Variants in BAZ1A observed in about 807,000 individuals in gnomAD.
The protein encoded by BAZ1A is bromodomain adjacent to zinc finger domain 1A.
In BAZ1A, 50 loss-of-function variants were observed where a neutral mutation model predicts 185.2. The observed-to-expected ratio is 0.27, with a 90% CI of 0.22 to 0.34. BAZ1A has a LOEUF of 0.34. BAZ1A is among the 10% of genes least tolerant of loss of function. The pLI is 1.00. For synonymous variants in BAZ1A, 571 were observed against 615.6 expected (o/e 0.93, Z 1.07); for missense variants, 1,356 against 1,839.9 (o/e 0.74, Z 4.81).
At chr14:34,868,916 G>GTA (rs71293236) in intron 2 of BAZ1A, among the ~76,000 whole-genome samples, 32,432 of 150,554 alleles carry the variant, frequency 0.22, 3,656 homozygotes, top group Middle Eastern at 0.3. Context: ...GTGTGTGTGT[G>GTA]TGTGTGTGTG....
At chr14:34,759,280 A>G (rs772902688) in intron 24 of BAZ1A, among the ~76,000 whole-genome samples, 2 of 142,000 alleles carry the variant, frequency 1.4e-5, no homozygotes, top group Non-Finnish European at 3.0e-5. Flanking sequence ...TCCTGGGTTC[A>G]TGCCATTCTC....
At chr14:34,771,837 T>C (rs1309208026) in intron 20 of BAZ1A, among the ~76,000 whole-genome samples, 178 bp from the exon 21 acceptor site, 3 of 152,040 alleles carry the variant, frequency 2.0e-5, no homozygotes, top group Non-Finnish European at 2.9e-5. Context: ...TAAGGGTAAA[T>C]ATTTGAAGGA....
At chr14:34,793,254 T>A (rs1343863665) in intron 11 of BAZ1A, among the ~76,000 whole-genome samples, 2 of 152,194 alleles carry the variant, frequency 1.3e-5, no homozygotes, top group Non-Finnish European at 2.9e-5. Context: ...AATGCAAATA[T>A]TTGTTATTGT....
At chr14:34,801,301 T>A in intron 7 of BAZ1A, 108 bp from the exon 8 acceptor site, 1 of 803,832 alleles carries the variant, frequency 1.2e-6, no homozygotes, top group East Asian at 2.9e-5. Flanking sequence ...ATGATTTTTT[T>A]ATTTTTTTGA....
chr14:34,874,775 C>T lies in BAZ1A; in HGVS notation c.-58-113G>A, dbSNP rs2043016099. The T allele has an allele frequency of 3.8e-6, 2 of 529,496 alleles. No homozygotes were observed. Among genetic ancestry groups the T allele is most frequent in the South Asian group, 5.0e-5 (2 of 40,394 alleles). 32.8% of individuals were successfully genotyped at this position (529,496 alleles called of 1,614,324 possible). ...GCTGCCTTTTGTGTGACTGACGCGCCGCGGCCGCTACCGGAGCCGAGTTCG... is the reference window on the plus strand; with the variant it reads ...GCTGCCTTTTGTGTGACTGACGCGCTGCGGCCGCTACCGGAGCCGAGTTCG... On this transcript the variant is annotated intron_variant, in intron 1 of 26. Coordinates refer to ENST00000360310, the MANE Select transcript of BAZ1A (RefSeq NM_013448.3). The surrounding 1 kb of genome is among the most constrained non-coding windows in gnomAD (Gnocchi z 4.7).
Position 34,795,013 on chromosome 14 carries a change from T to A in BAZ1A, c.1225-126A>T, listed in dbSNP as rs367607062. 73 of 1,278,714 alleles carry A rather than the reference T, an allele frequency of 5.7e-5. No homozygotes were observed. The African/African-American group carries it at 8.3e-4, about 15-fold the overall frequency. The allele number at this position is 1,278,714 out of a possible 1,614,324, so 79.2% of individuals were successfully genotyped here. On this transcript the variant is annotated intron_variant, in intron 10 of 26. Coordinates refer to ENST00000360310, the MANE Select transcript of BAZ1A (RefSeq NM_013448.3). ...TTGTAAGCTACTGGTTCTCAACCCT[T>A]GCTGTTTATCACAATCACCTTTGAA...
chr14:34,844,589 C>T (rs1847691346), intron 3 of BAZ1A, among the ~76,000 whole-genome samples: 1 of 150,604 alleles, frequency 6.6e-6, no homozygotes, highest in Non-Finnish European at 1.5e-5. Context: ...CCAGCCTGGG[C>T]AACGCAGGGA....
chr14:34,875,052 C>T, intron 1 of BAZ1A, 86 bp downstream of exon 1: 1 of 264,148 alleles, frequency 3.8e-6, no homozygotes, highest in Non-Finnish European at 7.5e-6. Context: ...GCGCTCGCCG[C>T]GGGCGGACCC....
Position 34,803,007 on chromosome 14 carries a change from T to C in BAZ1A, c.727-19A>G, listed in dbSNP as rs1881650216. Reference sequence around the variant, plus strand: ...ATGATGCCTTAATAAAACAAAGACATAGGGTACAATAATAACACATTAGTA... The same window carrying C: ...ATGATGCCTTAATAAAACAAAGACACAGGGTACAATAATAACACATTAGTA... On this transcript the variant is annotated intron_variant, in intron 6 of 26. Coordinates refer to ENST00000360310, the MANE Select transcript of BAZ1A (RefSeq NM_013448.3). The C allele has an allele frequency of 1.3e-6, 2 of 1,593,682 alleles. No individual in the cohort carries two copies. The highest frequency in any genetic ancestry group is 4.5e-5 in the East Asian group (2 of 44,746).
In BAZ1A at chr14:34,865,437, T is replaced by G. The variant is rs113224523; in HGVS notation, c.114-3115A>C. On this transcript the variant is annotated intron_variant, in intron 2 of 26. Coordinates refer to ENST00000360310, the MANE Select transcript of BAZ1A (RefSeq NM_013448.3). ...CTGAAATCTTTACTTCTCCCGTCAT[T>G]CTAAAAGTACTTAAACTGTTATATG... 7.2e-3 allele frequency among the ~76,000 whole-genome samples: 1,097 copies of G among 152,298 alleles called. 14 individuals carry two copies. Among genetic ancestry groups the G allele is most frequent in the African/African-American group, 0.025 (1,029 of 41,574 alleles).
intron 7 of BAZ1A, among the ~76,000 whole-genome samples, chr14:34,801,458 A>T (rs902847799): frequency 6.6e-6 from 1 of 150,864 alleles, no homozygotes; most frequent in Non-Finnish European, 1.5e-5. Context: ...CACCTGGCTA[A>T]TTTTTTTTTG....
Position 34,783,192 on chromosome 14 carries a change from G to C in BAZ1A, c.2038C>G (p.Gln680Glu), listed in dbSNP as rs1880160967. 1 of 1,599,032 alleles carries C rather than the reference G, an allele frequency of 6.3e-7. No individual in the cohort carries two copies. The highest frequency in any genetic ancestry group is 8.5e-7 in the Non-Finnish European group (1 of 1,171,720). ...TTTTCTTGTTTCTCTTTCATTTTTT[G>C]TTCTTGCTCCTTAAGTTTTTCTTCC... ...RKEEKLKEQE[Q>E]KMKEKQEKLK... The change falls in exon 16 of 27, where the codon CAA becomes GAA. Residue 680 changes from glutamine (Q) to glutamate (E), a missense_variant. Physicochemically the swap from Gln to Glu is conservative, Grantham distance 29 (BLOSUM62 2). Transcript: ENST00000360310.
chr14:34,826,956 G>A (rs867087955), intron 3 of BAZ1A, among the ~76,000 whole-genome samples: 6 of 152,088 alleles, frequency 3.9e-5, no homozygotes, highest in Non-Finnish European at 7.4e-5. Context: ...AAATTCATTC[G>A]ATTTCTGGAG....
At chr14:34,829,144 T>C (rs1408324788) in intron 3 of BAZ1A, among the ~76,000 whole-genome samples, 1 of 151,906 alleles carries the variant, frequency 6.6e-6, no homozygotes, top group Non-Finnish European at 1.5e-5. Context: ...CATGCACCTC[T>C]AATCCCAGCT....
rs565846265 is a variant in BAZ1A at position 34,838,582 on chromosome 14, C to T, written c.393-12426G>A. Reference sequence around the variant, plus strand: ...TGTTACCCAGGCTGGAGTTCAGTGGCGCAATCTCGGCTCACTGCAACCTCC... The same window carrying T: ...TGTTACCCAGGCTGGAGTTCAGTGGTGCAATCTCGGCTCACTGCAACCTCC... On this transcript the variant is annotated intron_variant, in intron 3 of 26. Transcript: ENST00000360310. 6.1e-3 allele frequency among the ~76,000 whole-genome samples: 924 copies of T among 151,072 alleles called. 16 individuals are homozygous for T. The highest frequency in any genetic ancestry group is 0.022 in the African/African-American group (885 of 41,140).
At position 34,800,282 on chromosome 14, in the gene BAZ1A, T is replaced by G. The variant is rs771565374; in HGVS notation, c.1070A>C (p.Glu357Ala). 6.2e-6 allele frequency: 9 copies of G among 1,459,330 alleles called. No individual in the cohort carries two copies. The highest frequency in any genetic ancestry group is 7.5e-6 in the Non-Finnish European group (8 of 1,072,284). 90.4% of individuals were successfully genotyped at this position (1,459,330 alleles called of 1,614,324 possible). ...KKREELKKIV[E>A]EERLKKKEEK... ...TTCTTTTTTCTTTAGTCTCTCTTCT[T>G]CAACAATTTTTTTCAATTCTTCCCT... The change falls in exon 9 of 27, where the codon GAA (glutamate) becomes GCA (alanine). Residue 357 changes from glutamate (E) to alanine (A), a missense_variant. Physicochemically the swap from Glu to Ala is moderately radical, Grantham distance 107. This residue lies in a region of BAZ1A where 184 missense variants were observed against 355.1 expected (regional missense o/e 0.52). Coordinates refer to ENST00000360310, the MANE Select transcript of BAZ1A (RefSeq NM_013448.3).
chr14:34,760,750 G>A (rs981615621), intron 24 of BAZ1A, among the ~76,000 whole-genome samples: 1 of 152,064 alleles, frequency 6.6e-6, no homozygotes, highest in African/African-American at 2.4e-5. Flanking sequence ...TGCTTGTGAG[G>A]CTGGGGCTGG....
chr14:34,793,671 G>T (rs1026613584), intron 11 of BAZ1A, among the ~76,000 whole-genome samples: 5 of 152,182 alleles, frequency 3.3e-5, no homozygotes, highest in Non-Finnish European at 7.4e-5. Context: ...TGGGCCAGGT[G>T]TGGTGGCTCA....
intron 3 of BAZ1A, among the ~76,000 whole-genome samples, chr14:34,853,679 C>A (rs1293491283): frequency 6.6e-6 from 1 of 152,082 alleles, no homozygotes; most frequent in Non-Finnish European, 1.5e-5. Flanking sequence ...CTCAGCTACT[C>A]GGGAGGCTAT....
Sources: gnomAD v4.1 joint callset for allele counts (sites outside exome capture counted in the v4.1 genomes callset) on GRCh38, gnomAD v4.1.1 for gene constraint, gnomAD v4.1.1 regional missense constraint, Gnocchi (gnomAD v3.1) non-coding constraint, MANE v1.5 for transcripts, NCBI Gene and HGNC (gene_info 2026-07-23, HGNC 2026-07-21) for gene names.